The following STARD6 variants were observed in gnomAD, a reference collection of about 807,000 sequenced individuals.
STARD6 encodes the protein StAR related lipid transfer domain containing 6.
Under a neutral mutation model 22.3 loss-of-function variants are expected in STARD6, and 21 were observed. That is an observed-to-expected ratio of 0.94 (90% CI 0.67 to 1.35). The LOEUF is 1.35. Among genes scored for constraint, STARD6 ranks in the 40% most tolerant of loss-of-function variants. The probability of loss-of-function intolerance (pLI) is 0.00; values close to 1 mark genes in which losing one functional copy is unlikely to be tolerated. For missense variants in STARD6, 269 were observed against 266.9 expected (o/e 1.01, Z -0.05); for synonymous variants, 80 against 88.1 (o/e 0.91, Z 0.52).
intron 5 of STARD6, among the ~76,000 whole-genome samples, chr18:54,332,829 C>T (rs2088876192): frequency 6.6e-6 from 1 of 151,890 alleles, no homozygotes; most frequent in Non-Finnish European, 1.5e-5. Flanking sequence ...CACTTGAGCC[C>T]AAGAGTTTGA....
intron 4 of STARD6, among the ~76,000 whole-genome samples, chr18:54,345,075 A>G (rs2089022449): frequency 6.6e-6 from 1 of 152,194 alleles, no homozygotes; most frequent in South Asian, 2.1e-4. Flanking sequence ...AAGAAATAAA[A>G]GTCATCCAGA....
At chr18:54,345,301 G>A (rs995273412) in intron 4 of STARD6, among the ~76,000 whole-genome samples, 8 of 151,804 alleles carry the variant, frequency 5.3e-5, no homozygotes, top group African/African-American at 1.9e-4. Flanking sequence ...AAAGAATAAA[G>A]CTTTGAAATA....
At position 54,324,592 on chromosome 18, in the gene STARD6, T is replaced by C. The variant is rs917195912; in HGVS notation, c.*100A>G. The stretch of plus-strand genomic sequence containing the variant: ...ATGTGTACAAGAATACTGTCTAGAA[T>C]AGTTTAACAGTATTATTTATGTGCG... On this transcript the variant is annotated 3_prime_UTR_variant, in exon 8 of 8. Coordinates refer to ENST00000307844, the MANE Select transcript of STARD6 (RefSeq NM_139171.2). 5.3e-6 allele frequency: 6 copies of C among 1,127,924 alleles called. No individual in the cohort carries two copies. In the Admixed American group the frequency reaches 6.7e-5, roughly 13 times the overall value. The allele number at this position is 1,127,924 out of a possible 1,614,324, so 69.9% of individuals were successfully genotyped here. A position where few individuals can be genotyped will look rare whatever the true frequency, so the allele number is the denominator to read the frequency against.
intron 4 of STARD6, among the ~76,000 whole-genome samples, chr18:54,340,949 C>T (rs990173171): frequency 3.9e-5 from 6 of 151,978 alleles, no homozygotes; most frequent in African/African-American, 9.7e-5. Flanking sequence ...TAACTATAAA[C>T]GTATATTCAT....
chr18:54,329,530 A>C, intron 6 of STARD6, 90 bp from the exon 7 acceptor site: 1 of 1,038,154 alleles, frequency 9.6e-7, no homozygotes, highest in Non-Finnish European at 1.4e-6. Flanking sequence ...TATAGCATTT[A>C]AGTTAGTTAA....
At chr18:54,327,164 T>C (rs543049238) in intron 7 of STARD6, among the ~76,000 whole-genome samples, 1 of 152,358 alleles carries the variant, frequency 6.6e-6, no homozygotes, top group Admixed American at 6.5e-5. Flanking sequence ...TAGTAAGTGC[T>C]ATTTCAGTTT....
chr18:54,356,624 T>C (rs921303015), intron 1 of STARD6, among the ~76,000 whole-genome samples, 180 bp from the exon 2 acceptor site: 3 of 152,220 alleles, frequency 2.0e-5, no homozygotes, highest in African/African-American at 7.2e-5. Context: ...CTTTAAAAGA[T>C]ACTGTTTATA....
At chr18:54,342,038 A>T (rs1047944323) in intron 4 of STARD6, among the ~76,000 whole-genome samples, 6 of 152,238 alleles carry the variant, frequency 3.9e-5, no homozygotes, top group Non-Finnish European at 8.8e-5. Flanking sequence ...ACGCAAAAAA[A>T]GAGAATAGAC....
rs1291276855 is a variant in STARD6 at position 54,343,386 on chromosome 18, G to A, written c.141-6135C>T. ...GAGGGAGGTGGGGGGTCAGCCCCCC[G>A]CCCGGCCAGCCGTGCCATCCGGGAG... On this transcript the variant is annotated intron_variant, in intron 4 of 7. Coordinates refer to ENST00000307844, the MANE Select transcript of STARD6 (RefSeq NM_139171.2). 9.6e-4 allele frequency among the ~76,000 whole-genome samples: 136 copies of A among 141,252 alleles called. 2 individuals carry two copies. Among genetic ancestry groups the A allele is most frequent in the Middle Eastern group, 3.8e-3 (1 of 264 alleles). 92.7% of individuals were successfully genotyped at this position (141,252 alleles called of 152,430 possible). A position where few individuals can be genotyped will look rare whatever the true frequency, so the allele number is the denominator to read the frequency against.
At chr18:54,326,418 G>A (rs533433513) in intron 7 of STARD6, among the ~76,000 whole-genome samples, 1 of 144,532 alleles carries the variant, frequency 6.9e-6, no homozygotes, top group Non-Finnish European at 1.5e-5. Flanking sequence ...TGCAAGCCCC[G>A]CCTCCCGGGT....
At chr18:54,353,699 A>G (rs2089118027) in intron 4 of STARD6, among the ~76,000 whole-genome samples, 2 of 152,250 alleles carry the variant, frequency 1.3e-5, no homozygotes, top group Admixed American at 6.5e-5. Flanking sequence ...TTTACTTGTT[A>G]GTGGTTCATT....
chr18:54,325,206 TTTAA>T (rs2088814319), intron 7 of STARD6, among the ~76,000 whole-genome samples: 3 of 152,102 alleles, frequency 2.0e-5, no homozygotes, highest in Non-Finnish European at 2.9e-5. Flanking sequence ...TGTTTACAGT[TTTAA>T]TTGTTATATT....
chr18:54,356,027 TA>T (rs1254190191), intron 2 of STARD6, among the ~76,000 whole-genome samples: 1 of 152,214 alleles, frequency 6.6e-6, no homozygotes, highest in African/African-American at 2.4e-5. Context: ...TTAATATATG[TA>T]AAAATGCTTT....
intron 4 of STARD6, chr18:54,353,837 G>C: frequency 2.9e-6 from 1 of 344,334 alleles, no homozygotes; most frequent in East Asian, 4.8e-5. Context: ...AATTAGAAGA[G>C]ATTTTTTATC....
intron 4 of STARD6, among the ~76,000 whole-genome samples, chr18:54,341,058 T>C (rs991671110): frequency 1.3e-5 from 2 of 152,118 alleles, no homozygotes; most frequent in Non-Finnish European, 2.9e-5. Flanking sequence ...AATAGGTCAT[T>C]TTCTTTTTTC....
chr18:54,336,944 T>C (rs2088919964), intron 5 of STARD6, among the ~76,000 whole-genome samples, 181 bp downstream of exon 5: 1 of 152,238 alleles, frequency 6.6e-6, no homozygotes, highest in South Asian at 2.1e-4. Context: ...ACAAGTAGCA[T>C]AAAGCTAATT....
At chr18:54,328,361 A>T (rs476263) in intron 7 of STARD6, among the ~76,000 whole-genome samples, 10,221 of 152,078 alleles carry the variant, frequency 0.067, 397 homozygotes, top group African/African-American at 0.088. Context: ...TAATTTTCCA[A>T]CTCTAGTCCA....
chr18:54,327,256 A>G (rs2088831810), intron 7 of STARD6, among the ~76,000 whole-genome samples: 1 of 152,218 alleles, frequency 6.6e-6, no homozygotes, highest in African/African-American at 2.4e-5. Context: ...ATTTTGATCA[A>G]TATATAATGA....
chr18:54,328,651 T>G (rs2088843173), intron 7 of STARD6, among the ~76,000 whole-genome samples: 2 of 151,408 alleles, frequency 1.3e-5, no homozygotes, highest in Non-Finnish European at 2.9e-5. Flanking sequence ...TTTTTTTTTT[T>G]GTACTGAGAC....
Sources: gnomAD v4.1 joint callset for allele counts (sites outside exome capture counted in the v4.1 genomes callset) on GRCh38, gnomAD v4.1.1 for gene constraint, MANE v1.5 for transcripts, NCBI Gene and HGNC (gene_info 2026-07-23, HGNC 2026-07-21) for gene names.